Variants in GABPB2 observed in about 807,000 individuals in gnomAD.
GABPB2 encodes the protein GA-binding protein subunit beta-2.
A neutral mutation model predicts 39.1 loss-of-function variants in GABPB2; 23 were observed. The ratio of observed to expected loss-of-function variants is 0.59; its 90% confidence interval spans 0.42 to 0.83. The LOEUF (loss-of-function observed/expected upper bound fraction) is 0.83. GABPB2 is among the 40% of genes least tolerant of loss of function. The pLI, the probability that GABPB2 is intolerant of heterozygous loss-of-function variation, is 0.00. For missense variants in GABPB2, 467 were observed against 541.1 expected (o/e 0.86, Z 1.36); for synonymous variants, 184 against 199.3 (o/e 0.92, Z 0.65).
At chr1:151,103,751 A>G in intron 6 of GABPB2, 76 bp downstream of exon 6, 2 of 919,728 alleles carry the variant, frequency 2.2e-6, no homozygotes, top group South Asian at 2.9e-5. Context: ...TTTAATTTGC[A>G]TGAAATATTA....
chr1:151,117,292 C>A, intron 7 of GABPB2, 100 bp from the exon 8 acceptor site: 3 of 1,291,162 alleles, frequency 2.3e-6, no homozygotes, highest in South Asian at 1.4e-5. Flanking sequence ...CTGTACCCAA[C>A]CTAGAATATA....
At chr1:151,075,317 C>G (rs587702614) in intron 1 of GABPB2, among the ~76,000 whole-genome samples, 260 of 152,108 alleles carry the variant, frequency 1.7e-3, no homozygotes, top group Admixed American at 0.011. Context: ...GTAATCCCAG[C>G]ACTTTGGGAG....
At chr1:151,114,179 T>TA (rs35201533) in intron 7 of GABPB2, among the ~76,000 whole-genome samples, 2 of 147,816 alleles carry the variant, frequency 1.4e-5, no homozygotes, top group African/African-American at 2.5e-5. Context: ...AACCCATCTC[T>TA]AAAAAAAAAT....
At chr1:151,076,030 G>C (rs2102993165) in intron 1 of GABPB2, among the ~76,000 whole-genome samples, 1 of 152,236 alleles carries the variant, frequency 6.6e-6, no homozygotes, top group Admixed American at 6.6e-5. Flanking sequence ...CATCAGTATG[G>C]TGAGAGCTAT....
chr1:151,084,103 T>C (rs1476443668), intron 1 of GABPB2, among the ~76,000 whole-genome samples: 2 of 151,534 alleles, frequency 1.3e-5, no homozygotes, highest in African/African-American at 2.4e-5. Context: ...GGGGCCTTAC[T>C]GTGTTGCCCG....
chr1:151,082,146 G>A (rs1263190268), intron 1 of GABPB2, among the ~76,000 whole-genome samples: 2 of 143,886 alleles, frequency 1.4e-5, no homozygotes, highest in Admixed American at 7.2e-5. Context: ...GTGCGATCTC[G>A]GCTCACCACA....
At chr1:151,085,312 G>A (rs587701145) in intron 1 of GABPB2, among the ~76,000 whole-genome samples, 137 of 152,154 alleles carry the variant, frequency 9.0e-4, no homozygotes, top group Non-Finnish European at 1.6e-3. Flanking sequence ...CAGGAGAATC[G>A]CTTGTACCTG....
chr1:151,102,364 T>A (rs1207854623), intron 5 of GABPB2, among the ~76,000 whole-genome samples: 1 of 152,108 alleles, frequency 6.6e-6, no homozygotes, highest in Non-Finnish European at 1.5e-5. Flanking sequence ...TTGACATAAC[T>A]AAAGTATTTT....
intron 1 of GABPB2, among the ~76,000 whole-genome samples, chr1:151,080,232 A>AC (rs1474872516): frequency 0.01 from 1,200 of 118,898 alleles, 67 homozygotes; most frequent in Non-Finnish European, 0.013. Flanking sequence ...AAAAAAAAAA[A>AC]AAAAAAAAAA....
At chr1:151,111,248 CTTT>C (rs71090131) in intron 7 of GABPB2, among the ~76,000 whole-genome samples, 2 of 142,654 alleles carry the variant, frequency 1.4e-5, no homozygotes, top group African/African-American at 2.6e-5. Context: ...TTTTTTTTTT[CTTT>C]TTTTTTTTTT....
chr1:151,085,073 G>T (rs1678063146), intron 1 of GABPB2, among the ~76,000 whole-genome samples: 1 of 151,884 alleles, frequency 6.6e-6, no homozygotes, highest in Admixed American at 6.6e-5. Flanking sequence ...CTTCAGCCTG[G>T]GTGACAGAGC....
intron 5 of GABPB2, among the ~76,000 whole-genome samples, chr1:151,099,823 T>A (rs2101525547): frequency 6.6e-6 from 1 of 152,330 alleles, no homozygotes; most frequent in Non-Finnish European, 1.5e-5. Flanking sequence ...TTTACTTATC[T>A]GCAAAATTGG....
At chr1:151,082,992 AAAG>A (rs1241089633) in intron 1 of GABPB2, among the ~76,000 whole-genome samples, 1 of 151,942 alleles carries the variant, frequency 6.6e-6, no homozygotes, top group Middle Eastern at 3.2e-3. Flanking sequence ...AAAAAAAAGA[AAAG>A]AAAAAGTTAG....
At position 151,097,829 on chromosome 1, in the gene GABPB2, AAATATCCTGCCTTGTTTGATAGGAAGC is replaced by A. The variant is rs770736405; in HGVS notation, c.472-19_479del. 2 of 1,605,302 alleles carry A rather than the reference AAATATCCTGCCTTGTTTGATAGGAAGC, an allele frequency of 1.2e-6. No individual in the cohort carries two copies. The highest frequency in any genetic ancestry group is 2.2e-5 in the South Asian group (2 of 89,986). ...GAAAAGCTAATAAGTGTTCTGATTGAAATATCCTGCCTTGTTTGATAGGAAGCAATGCAGAATCAGGTGAATGTTAAT... is the reference window on the plus strand; with the variant it reads ...GAAAAGCTAATAAGTGTTCTGATTGAAATGCAGAATCAGGTGAATGTTAAT... On this transcript the variant is annotated splice_acceptor_variant and splice_polypyrimidine_tract_variant and coding_sequence_variant and intron_variant, in exon 5 of 9. Coordinates refer to ENST00000368918, the MANE Select transcript of GABPB2 (RefSeq NM_144618.3). LOFTEE classifies it high-confidence loss of function.
chr1:151,101,648 C>G (rs1264567958), intron 5 of GABPB2, among the ~76,000 whole-genome samples: 1 of 152,030 alleles, frequency 6.6e-6, no homozygotes, highest in African/African-American at 2.4e-5. Flanking sequence ...ACTTCTACTT[C>G]TATACTAACA....
intron 7 of GABPB2, among the ~76,000 whole-genome samples, chr1:151,109,392 CTGTCACTCCAGGCTGGAGTGCAG>C (rs1680226317): frequency 7.3e-6 from 1 of 137,530 alleles, no homozygotes; most frequent in Non-Finnish European, 1.5e-5. Context: ...GAATCTTGCT[CTGTCACTCCAGGCTGGAGTGCAG>C]TGGCACAATC....
At position 151,122,062 on chromosome 1, in the gene GABPB2, G is replaced by A. The variant is rs987201123; in HGVS notation, c.*3806G>A. On this transcript the variant is annotated 3_prime_UTR_variant, in exon 9 of 9. Coordinates refer to ENST00000368918, the MANE Select transcript of GABPB2 (RefSeq NM_144618.3). ...TTGATTAGTGAAGTAATTTGCTGCA[G>A]TGTTACAGAGGAGCAGAATCACTTG... 1 of 152,212 alleles carries A rather than the reference G, an allele frequency of 6.6e-6. No homozygotes were observed. The highest frequency in any genetic ancestry group is 2.4e-5 in the African/African-American group (1 of 41,450). 9.4% of individuals were successfully genotyped at this position (152,212 alleles called of 1,614,324 possible).
At chr1:151,093,603 ATTTTT>A (rs1005500766) in intron 4 of GABPB2, among the ~76,000 whole-genome samples, 1 of 148,738 alleles carries the variant, frequency 6.7e-6, no homozygotes. Context: ...TATTTTTTAT[ATTTTT>A]TATATATATT....
intron 1 of GABPB2, among the ~76,000 whole-genome samples, chr1:151,085,436 A>G (rs903331105): frequency 6.6e-6 from 1 of 152,094 alleles, no homozygotes; most frequent in Non-Finnish European, 1.5e-5. Context: ...TGATAAAAGC[A>G]GTTATTTATT....
Sources: gnomAD v4.1 joint callset for allele counts (sites outside exome capture counted in the v4.1 genomes callset) on GRCh38, gnomAD v4.1.1 for gene constraint, MANE v1.5 for transcripts, NCBI Gene and HGNC (gene_info 2026-07-23, HGNC 2026-07-21) for gene names.